Variants in TBC1D30 observed in about 807,000 individuals in gnomAD.
The protein encoded by TBC1D30 is TBC1 domain family member 30.
TBC1D30 carries 31 observed loss-of-function variants against 63.2 expected under a neutral mutation model. The ratio of observed to expected loss-of-function variants is 0.49; its 90% CI spans 0.37 to 0.66. The LOEUF is 0.66. Among genes scored for constraint, TBC1D30 ranks in the 30% least tolerant of loss-of-function variants. The pLI, the probability that TBC1D30 is intolerant of heterozygous loss-of-function variation, is 0.00. For missense variants in TBC1D30, 810 were observed against 953.6 expected (o/e 0.85, Z 1.98); for synonymous variants, 307 against 361.5 (o/e 0.85, Z 1.71).
At chr12:64,874,823 G>T (rs762222073) in intron 11 of TBC1D30, among the ~76,000 whole-genome samples, 178 bp from the exon 12 acceptor site, 1 of 152,088 alleles carries the variant, frequency 6.6e-6, no homozygotes, top group African/African-American at 2.4e-5. Flanking sequence ...GGTATTCCAG[G>T]CTCTTCGGTT....
chr12:64,839,981 G>T (rs1225621888), intron 7 of TBC1D30, among the ~76,000 whole-genome samples: 6 of 125,286 alleles, frequency 4.8e-5, no homozygotes, highest in Admixed American at 1.8e-4. Context: ...CTCTAGCCTG[G>T]ACGACAGAGC....
At chr12:64,824,531 G>A (rs776900370), upstream of TBC1D30, 1 of 235,768 alleles carries the variant, frequency 4.2e-6, no homozygotes, top group Non-Finnish European at 8.2e-6. Context: ...GAGCTGGGGC[G>A]GCCCCGCCTG....
chr12:64,824,946 G>C lies in TBC1D30; in HGVS notation c.67G>C (p.Gly23Arg), dbSNP rs532215282. The C allele has an allele frequency of 1.3e-6, 2 of 1,534,734 alleles. No homozygotes were observed. Among genetic ancestry groups the C allele is most frequent in the Admixed American group, 3.9e-5 (2 of 50,968 alleles). The change falls in exon 1 of 12, where the codon GGC (glycine) becomes CGC (arginine). Residue 23 changes from glycine to arginine, a missense_variant. This residue lies in a region of TBC1D30 where 272 missense variants were observed against 335.9 expected (regional missense o/e 0.81). Coordinates refer to ENST00000539867, the MANE Select transcript of TBC1D30 (RefSeq NM_015279.2). ...GGRCLKRQGG[G>R]VGTILSNVLK... The stretch of plus-strand genomic sequence containing the variant: ...GAGATGCCTGAAGCGGCAGGGCGGC[G>C]GCGTGGGCACCATCCTGAGCAATGT...
chr12:64,807,033 G>A (rs1306498928), intron 2 of TBC1D30, among the ~76,000 whole-genome samples: 2 of 152,186 alleles, frequency 1.3e-5, no homozygotes, highest in Admixed American at 6.5e-5. Context: ...TGGGGAGAGA[G>A]AGAGTGAGCT....
At chr12:64,816,346 C>A (rs1873533374) in intron 2 of TBC1D30, among the ~76,000 whole-genome samples, 1 of 152,144 alleles carries the variant, frequency 6.6e-6, no homozygotes, top group African/African-American at 2.4e-5. Context: ...CCAGAATACT[C>A]TTTTTAAGTC....
chr12:64,849,961 G>C (rs1307872964), intron 8 of TBC1D30, among the ~76,000 whole-genome samples: 1 of 152,114 alleles, frequency 6.6e-6, no homozygotes, highest in Non-Finnish European at 1.5e-5. Context: ...GCAGTGATTT[G>C]TAGTTCTCCT....
chr12:64,854,251 G>C (rs760573988), intron 8 of TBC1D30, among the ~76,000 whole-genome samples: 16 of 151,780 alleles, frequency 1.1e-4, no homozygotes, highest in Admixed American at 2.6e-4. Context: ...TGTATTGTAT[G>C]TTTTTTGATT....
chr12:64,858,432 A>G (rs1265618775), intron 8 of TBC1D30, among the ~76,000 whole-genome samples: 1 of 152,174 alleles, frequency 6.6e-6, no homozygotes, highest in Non-Finnish European at 1.5e-5. Context: ...GGCCCATGGC[A>G]TACTCCCTGG....
rs1878251659 is a variant in TBC1D30, at chr12:64,866,770, T to C, written c.1158T>C (p.His386=). ...GTCTTTTATGTTTTCCAAGACGACA[T>C]AGTAAGGCCAGAGACAGTGATGAAG... The part of the protein sequence containing the change: ...TVKPTSVSGR[H]SKARDSDEEN... Residue 386 remains histidine (H), a synonymous_variant, in exon 10 of 12, where the codon CAT becomes CAC. Transcript: ENST00000539867. The C allele has an allele frequency of 2.0e-6, 3 of 1,535,568 alleles. No homozygotes were observed. Among genetic ancestry groups the C allele is most frequent in the Non-Finnish European group, 2.6e-6 (3 of 1,146,758 alleles).
intron 9 of TBC1D30, 105 bp from the exon 10 acceptor site, chr12:64,866,659 C>A: frequency 1.9e-6 from 2 of 1,077,800 alleles, no homozygotes; most frequent in Non-Finnish European, 2.6e-6. Flanking sequence ...ATATGTAATT[C>A]TATGTTAATT....
chr12:64,777,880 C>T (rs904572773), upstream of TBC1D30, among the ~76,000 whole-genome samples: 2 of 152,240 alleles, frequency 1.3e-5, no homozygotes, highest in Non-Finnish European at 2.9e-5. Flanking sequence ...ATGCCTCATC[C>T]TTTCAAGTTG....
intron 5 of TBC1D30, among the ~76,000 whole-genome samples, chr12:64,833,250 A>G (rs1167477665): frequency 6.6e-6 from 1 of 152,188 alleles, no homozygotes; most frequent in Non-Finnish European, 1.5e-5. Flanking sequence ...ATATCTTTTA[A>G]TCTTTGATGC....
At position 64,875,357 on chromosome 12, in the gene TBC1D30, G is replaced by C; in HGVS notation, c.1855G>C (p.Gly619Arg). 6.5e-7 allele frequency: 1 copy of C among 1,536,242 alleles called. No individual in the cohort carries two copies. The highest frequency in any genetic ancestry group is 8.7e-7 in the Non-Finnish European group (1 of 1,146,928). ...CCCCTCTGGTTGTACAGCGACAGCT[G>C]GGAGAGAAGGCAGCAGCCCTGAAGG... ...AFPSGCTATA[G>R]REGSSPEGST... is the part of the protein sequence containing the mutation. Residue 619 changes from glycine (G) to arginine (R), a missense_variant, in exon 12 of 12, where the codon GGG becomes CGG. By Grantham distance (125) the Gly-to-Arg change is moderately radical (BLOSUM62 -2). Coordinates refer to ENST00000539867, the MANE Select transcript of TBC1D30 (RefSeq NM_015279.2).
chr12:64,810,023 C>CTG (rs1873115476), intron 2 of TBC1D30, among the ~76,000 whole-genome samples: 3 of 152,170 alleles, frequency 2.0e-5, no homozygotes, highest in African/African-American at 7.2e-5. Flanking sequence ...GCAACCCTCC[C>CTG]ATGCTCCGTT....
intron 1 of TBC1D30, among the ~76,000 whole-genome samples, chr12:64,767,116 A>C (rs989450705): frequency 6.6e-6 from 1 of 152,064 alleles, no homozygotes; most frequent in South Asian, 2.1e-4. Flanking sequence ...TCATTAATTT[A>C]ACCTTCTACC....
chr12:64,849,598 T>C (rs1219298795), intron 8 of TBC1D30, among the ~76,000 whole-genome samples: 1 of 152,206 alleles, frequency 6.6e-6, no homozygotes, highest in Non-Finnish European at 1.5e-5. Flanking sequence ...TGTGGTGTTA[T>C]TTCTGAGGCC....
intron 8 of TBC1D30, among the ~76,000 whole-genome samples, chr12:64,862,249 GC>G (rs1285051816): frequency 6.6e-6 from 1 of 152,202 alleles, no homozygotes; most frequent in Non-Finnish European, 1.5e-5. Flanking sequence ...ATGTCGGTGT[GC>G]CAGGGATGCT....
intron 5 of TBC1D30, among the ~76,000 whole-genome samples, chr12:64,833,983 A>G (rs1875101602): frequency 6.6e-6 from 1 of 152,188 alleles, no homozygotes. Flanking sequence ...AAGGAAATGT[A>G]CATGCCAATC....
intron 10 of TBC1D30, among the ~76,000 whole-genome samples, chr12:64,867,159 C>T (rs983754810): frequency 2.0e-5 from 3 of 151,970 alleles, no homozygotes; most frequent in Admixed American, 6.6e-5. Flanking sequence ...CAAACAACAA[C>T]AACAACATTA....
Sources: gnomAD v4.1 joint callset for allele counts (sites outside exome capture counted in the v4.1 genomes callset) on GRCh38, gnomAD v4.1.1 for gene constraint, gnomAD v4.1.1 regional missense constraint, MANE v1.5 for transcripts, NCBI Gene and HGNC (gene_info 2026-07-23, HGNC 2026-07-21) for gene names.